SETD2: variants seen among roughly 807,000 people sequenced by gnomAD.
SETD2 encodes histone-lysine N-methyltransferase SETD2.
In SETD2, 31 loss-of-function variants were observed where a neutral mutation model predicts 242.1. The ratio of observed to expected loss-of-function variants is 0.13; its 90% CI spans 0.10 to 0.17. SETD2 has a LOEUF of 0.17. Ranked by LOEUF, SETD2 falls within the 10% of genes least tolerant of loss-of-function variation. The pLI is 1.00. For missense variants in SETD2, 2,481 were observed against 3,046.3 expected, an observed-to-expected ratio of 0.81 and a Z score of 4.37; for synonymous variants, 1,006 against 1,066.5, an observed-to-expected ratio of 0.94 and a Z score of 1.11.
rs1230670274 is a variant in SETD2 at position 47,016,811 on chromosome 3, A to T, written c.*282T>A. 4.9e-6 allele frequency: 2 copies of T among 409,488 alleles called. No homozygotes were observed. The highest frequency in any genetic ancestry group is 3.9e-5 in the African/African-American group (2 of 51,238). The allele number at this position is 409,488 out of a possible 1,614,324, so 25.4% of individuals were successfully genotyped here. ...CGCTGACAGCACCGCCAAGGAGAAGACCCAGGTTTAAGAGTGGAGTCAGGT... is the reference window on the plus strand; with the variant it reads ...CGCTGACAGCACCGCCAAGGAGAAGTCCCAGGTTTAAGAGTGGAGTCAGGT... On this transcript the variant is annotated 3_prime_UTR_variant, in exon 21 of 21. Transcript: ENST00000409792.
chr3:47,023,171 C>T (rs942903543), intron 18 of SETD2, among the ~76,000 whole-genome samples: 11 of 152,028 alleles, frequency 7.2e-5, no homozygotes, highest in African/African-American at 1.7e-4. Context: ...GAGGCTGAGG[C>T]GGGTGGATCA....
chr3:47,097,157 T>C (rs1259513643), intron 9 of SETD2, among the ~76,000 whole-genome samples: 1 of 152,148 alleles, frequency 6.6e-6, no homozygotes, highest in African/African-American at 2.4e-5. Context: ...TGCAAAAGAA[T>C]CACAGGGGAA....
chr3:47,133,250 G>A (rs557903571), intron 1 of SETD2, among the ~76,000 whole-genome samples: 1 of 152,192 alleles, frequency 6.6e-6, no homozygotes, highest in South Asian at 2.1e-4. Context: ...AGAGACAGGG[G>A]TCTATGTGGT....
rs1176141680 is a variant in SETD2, at chr3:47,063,090, C to T, written c.6110-744G>A. Among the ~76,000 whole-genome samples, 3 of 152,114 alleles carry T rather than the reference C, an allele frequency of 2.0e-5. 1 individual carries two copies. Among genetic ancestry groups the T allele is most frequent in the Non-Finnish European group, 4.4e-5 (3 of 68,034 alleles). ...AGTCCCACAATCCACCTCACGGAAC[C>T]CACATATACAAAAAGTTGCCCCTCC... is the stretch of plus-strand genomic sequence containing the variant. On this transcript the variant is annotated intron_variant, in intron 13 of 20. Transcript: ENST00000409792.
rs141532143 is a variant in SETD2 at position 47,121,842 on chromosome 3, C to T, written c.2794G>A (p.Val932Ile). Residue 932 changes from valine (V) to isoleucine (I), a missense_variant, in exon 3 of 21, where the codon GTA (valine) becomes ATA (isoleucine). Physicochemically the swap from Val to Ile is conservative, Grantham distance 29. Around this residue, in one of 17 missense-constraint regions of SETD2, gnomAD observed 1,300 missense variants for 1,259.2 expected, o/e 1.03. Transcript: ENST00000409792. ...KHAGKETIVEVGSDLPDSGKG... is the reference protein window; with the variant it reads ...KHAGKETIVEIGSDLPDSGKG... ...CCTGAATCAGGAAGGTCACTACCTA[C>T]TTCTACTATTGTTTCTTTCCCTGCA... 192 of 1,613,972 alleles carry T rather than the reference C, an allele frequency of 1.2e-4. No individual in the cohort carries two copies. The highest frequency in any genetic ancestry group is 2.2e-5 in the Non-Finnish European group (26 of 1,180,010).
chr3:47,070,713 T>C (rs2040783045), intron 12 of SETD2, among the ~76,000 whole-genome samples: 1 of 152,222 alleles, frequency 6.6e-6, no homozygotes, highest in African/African-American at 2.4e-5. Flanking sequence ...ATCACCTTAC[T>C]TTGTTAAATA....
At chr3:47,079,984 C>T (rs573365780) in intron 12 of SETD2, among the ~76,000 whole-genome samples, 7 of 152,254 alleles carry the variant, frequency 4.6e-5, no homozygotes, top group Middle Eastern at 3.4e-3. Flanking sequence ...ACAGAATAAT[C>T]TTACTCTAGT....
chr3:47,139,042 T>C (rs557951721), intron 1 of SETD2, among the ~76,000 whole-genome samples: 15 of 152,198 alleles, frequency 9.9e-5, no homozygotes, highest in African/African-American at 3.1e-4. Context: ...TCATAGCTCA[T>C]TGCAGCCTCG....
chr3:47,145,592 T>C, intron 1 of SETD2: 1 of 341,758 alleles, frequency 2.9e-6, no homozygotes, highest in Non-Finnish European at 6.1e-6. Context: ...CATCAGGTCA[T>C]GTGTAAAATT....
rs2041645602 is a variant in SETD2, at chr3:47,088,213, C to T, written c.5177G>A (p.Gly1726Asp). 1 of 1,613,682 alleles carries T rather than the reference C, an allele frequency of 6.2e-7. No homozygotes were observed. Among genetic ancestry groups the T allele is most frequent in the Non-Finnish European group, 8.5e-7 (1 of 1,179,816 alleles). ...CTGGTTTTTATCAGAGAGACCCTCACCATTTTCCATCAGAGCTTCTAGCTC... is the reference window on the plus strand; with the variant it reads ...CTGGTTTTTATCAGAGAGACCCTCATCATTTTCCATCAGAGCTTCTAGCTC... ...DGELEALMEN[G>D]EGLSDKNQVL... Residue 1726 changes from glycine to aspartate, a missense_variant, in exon 10 of 21, where the codon GGT (glycine) becomes GAT (aspartate). By Grantham distance (94) the Gly-to-Asp change is moderately conservative. Transcript: ENST00000409792.
chr3:47,163,043 T>C (rs993873286), intron 1 of SETD2, among the ~76,000 whole-genome samples: 1 of 152,182 alleles, frequency 6.6e-6, no homozygotes, highest in Non-Finnish European at 1.5e-5. Flanking sequence ...AGTCATCCGT[T>C]TAGGGTAAGA....
In SETD2 at chr3:47,050,603, C is replaced by CTACCAGTTATATA. The variant is rs2039781484; in HGVS notation, c.6964-3983_6964-3982insTATATAACTGGTA. On this transcript the variant is annotated intron_variant, in intron 15 of 20. Coordinates refer to ENST00000409792, the MANE Select transcript of SETD2 (RefSeq NM_014159.7). ...TTTTGGATTTTGACTTAGGGATGCT[C>CTACCAGTTATATA]TACCACTAAGTATATATAACGTAAA... Among the ~76,000 whole-genome samples the CTACCAGTTATATA allele has an allele frequency of 2.0e-5, 3 of 151,808 alleles. No homozygotes were observed. In the East Asian group the frequency reaches 5.8e-4, roughly 29 times the overall value.
intron 16 of SETD2, 117 bp from the exon 17 acceptor site, chr3:47,042,817 G>A: frequency 2.1e-6 from 2 of 943,246 alleles, no homozygotes; most frequent in Non-Finnish European, 3.2e-6. Flanking sequence ...TTAAAAAAAG[G>A]ATAAAGGAAA....
Position 47,117,275 on chromosome 3 carries a change from A to AAC in SETD2, c.4455-522_4455-521insGT, listed in dbSNP as rs1553699222. Among the ~76,000 whole-genome samples the AAC allele has an allele frequency of 3.2e-3, 449 of 139,160 alleles. 8 individuals carry two copies. Among genetic ancestry groups the AAC allele is most frequent in the African/African-American group, 6.0e-3 (214 of 35,530 alleles). 91.3% of individuals were successfully genotyped at this position (139,160 alleles called of 152,430 possible). ...ACCTGCATTACCAAAAAAAAAAAAA[A>AAC]AAAAACAAACAAAAAAAAAAACATG... On this transcript the variant is annotated intron_variant, in intron 3 of 20. Coordinates refer to ENST00000409792, the MANE Select transcript of SETD2 (RefSeq NM_014159.7).
At chr3:47,103,016 T>C (rs2042275144) in intron 7 of SETD2, among the ~76,000 whole-genome samples, 3 of 152,178 alleles carry the variant, frequency 2.0e-5, no homozygotes, top group Admixed American at 2.0e-4. Flanking sequence ...GGATTGGATC[T>C]TGGACCAGAA....
At chr3:47,027,948 C>G (rs1048976548) in intron 18 of SETD2, among the ~76,000 whole-genome samples, 1 of 152,046 alleles carries the variant, frequency 6.6e-6, no homozygotes, top group Non-Finnish European at 1.5e-5. Context: ...CCCCCCCGCA[C>G]ACCTGACTAA....
chr3:47,056,110 AT>A (rs1419405272), intron 15 of SETD2, among the ~76,000 whole-genome samples: 1 of 87,704 alleles, frequency 1.1e-5, no homozygotes, highest in African/African-American at 3.4e-5. Flanking sequence ...TTATTTATTT[AT>A]TTATTTATTT....
Position 47,016,823 on chromosome 3 carries a change from G to A in SETD2, c.*270C>T, listed in dbSNP as rs2038002361. ...CGCCAAGGAGAAGACCCAGGTTTAA[G>A]AGTGGAGTCAGGTCTGGCCAGGGTC... On this transcript the variant is annotated 3_prime_UTR_variant, in exon 21 of 21. Coordinates refer to ENST00000409792, the MANE Select transcript of SETD2 (RefSeq NM_014159.7). The A allele has an allele frequency of 4.7e-6, 2 of 429,012 alleles. No homozygotes were observed. Among genetic ancestry groups the A allele is most frequent in the Admixed American group, 3.7e-5 (1 of 26,764 alleles). The allele number at this position is 429,012 out of a possible 1,614,324, so 26.6% of individuals were successfully genotyped here.
chr3:47,117,261 C>CAAAAAAAAAAAAA (rs5848820), intron 3 of SETD2, among the ~76,000 whole-genome samples: 2 of 66,492 alleles, frequency 3.0e-5, no homozygotes, highest in Admixed American at 1.5e-4. Flanking sequence ...CCTGCATTAC[C>CAAAAAAAAAAAAA]AAAAAAAAAA....
Sources: allele counts gnomAD v4.1 joint callset (sites outside exome capture counted in the v4.1 genomes callset), GRCh38; gene constraint gnomAD v4.1.1; regional missense constraint gnomAD v4.1.1; transcripts MANE v1.5; gene names NCBI Gene and HGNC (gene_info 2026-07-23, HGNC 2026-07-21).